The following CTNNA3 variants were observed in gnomAD, a reference collection of about 807,000 sequenced individuals.
CTNNA3 encodes catenin alpha 3.
A neutral mutation model predicts 95.7 loss-of-function variants in CTNNA3; 76 were observed. That is an observed-to-expected ratio of 0.79 (90% CI 0.66 to 0.96). The LOEUF (loss-of-function observed/expected upper bound fraction) is 0.96, where lower values mean the gene tolerates loss of function less well. CTNNA3 is among the 40% of genes least tolerant of loss of function. CTNNA3 has a pLI of 0.00. For synonymous variants in CTNNA3, 431 were observed against 374.4 expected, an observed-to-expected ratio of 1.15 and a Z score of -1.74; for missense variants, 1,191 against 1,089.8, an observed-to-expected ratio of 1.09 and a Z score of -1.31.
intron 11 of CTNNA3, among the ~76,000 whole-genome samples, chr10:66,471,365 A>C (rs972996132): frequency 6.6e-6 from 1 of 151,806 alleles, no homozygotes; most frequent in Non-Finnish European, 1.5e-5. Flanking sequence ...ATTCCTTCAA[A>C]TTGCTCAAGA....
chr10:67,365,954 T>G (rs181801209), intron 5 of CTNNA3, among the ~76,000 whole-genome samples: 3 of 152,332 alleles, frequency 2.0e-5, no homozygotes, highest in Non-Finnish European at 1.5e-5. Context: ...CTATTCACAA[T>G]AGCAAAGACT....
intron 7 of CTNNA3, among the ~76,000 whole-genome samples, chr10:66,815,195 T>C (rs553224100): frequency 6.6e-6 from 1 of 152,302 alleles, no homozygotes; most frequent in South Asian, 2.1e-4. Flanking sequence ...ATTAACTTTT[T>C]CAAAACTCTA....
At chr10:66,068,008 T>G (rs764829273) in intron 15 of CTNNA3, among the ~76,000 whole-genome samples, 1 of 152,212 alleles carries the variant, frequency 6.6e-6, no homozygotes, top group Non-Finnish European at 1.5e-5. Flanking sequence ...GATGCACGTA[T>G]GAAAAGTTTA....
intron 12 of CTNNA3, among the ~76,000 whole-genome samples, chr10:66,290,828 T>C (rs1438547140): frequency 6.6e-6 from 1 of 152,084 alleles, no homozygotes; most frequent in Admixed American, 6.6e-5. Flanking sequence ...CAACAGTGAG[T>C]TACTTCTTGT....
At chr10:67,443,052 T>A (rs1846591210) in intron 5 of CTNNA3, among the ~76,000 whole-genome samples, 1 of 149,486 alleles carries the variant, frequency 6.7e-6, no homozygotes, top group South Asian at 2.1e-4. Context: ...GGTGTTTGGT[T>A]TTTCATCCTT....
intron 7 of CTNNA3, among the ~76,000 whole-genome samples, chr10:67,045,544 G>C (rs1392740162): frequency 6.6e-6 from 1 of 152,176 alleles, no homozygotes; most frequent in Admixed American, 6.5e-5. Flanking sequence ...GAAGCAGATA[G>C]TCTACGAATG....
chr10:66,700,771 G>A (rs901565664), intron 9 of CTNNA3, among the ~76,000 whole-genome samples: 1 of 152,126 alleles, frequency 6.6e-6, no homozygotes, highest in Admixed American at 6.5e-5. Flanking sequence ...CTTGCAAAAT[G>A]AGCATTAAAA....
At chr10:67,392,322 C>T (rs1844531740) in intron 5 of CTNNA3, among the ~76,000 whole-genome samples, 1 of 152,114 alleles carries the variant, frequency 6.6e-6, no homozygotes, top group Non-Finnish European at 1.5e-5. Flanking sequence ...TCATCACTGG[C>T]CATCAGAGAA....
intron 15 of CTNNA3, among the ~76,000 whole-genome samples, chr10:66,011,069 A>G (rs2078996638): frequency 6.6e-6 from 1 of 152,198 alleles, no homozygotes; most frequent in African/African-American, 2.4e-5. Context: ...TGTTGATTTG[A>G]AACACAGAAT....
At chr10:67,642,480 G>A (rs536350906) in intron 2 of CTNNA3, among the ~76,000 whole-genome samples, 1 of 152,202 alleles carries the variant, frequency 6.6e-6, no homozygotes, top group African/African-American at 2.4e-5. Context: ...CACTTTGGGA[G>A]ACTGAGGCAG....
intron 3 of CTNNA3, among the ~76,000 whole-genome samples, chr10:67,586,504 T>C (rs1842632232): frequency 1.3e-5 from 2 of 152,192 alleles, no homozygotes; most frequent in Non-Finnish European, 2.9e-5. Context: ...ATTGGATGCA[T>C]GTATTTAGAA....
chr10:66,502,757 C>T (rs10822841), intron 11 of CTNNA3, among the ~76,000 whole-genome samples: 1 of 151,830 alleles, frequency 6.6e-6, no homozygotes, highest in African/African-American at 2.4e-5. Context: ...ATACTTGTAC[C>T]GGGTTTTCCT....
intron 5 of CTNNA3, among the ~76,000 whole-genome samples, chr10:67,413,688 A>C (rs2132846486): frequency 1.3e-5 from 2 of 152,308 alleles, no homozygotes; most frequent in Middle Eastern, 6.8e-3. Flanking sequence ...GTCATAAAGC[A>C]GGCCTCAATA....
At chr10:66,000,647 A>C (rs536758449) in intron 15 of CTNNA3, among the ~76,000 whole-genome samples, 1 of 152,202 alleles carries the variant, frequency 6.6e-6, no homozygotes, top group Non-Finnish European at 1.5e-5. Context: ...TTGATTTTAT[A>C]GATGAAAACA....
At chr10:66,837,840 C>T (rs1022945452) in intron 7 of CTNNA3, 16 of 152,164 alleles carry the variant, frequency 1.1e-4, no homozygotes, top group African/African-American at 3.9e-4. Context: ...ATGCCATGTA[C>T]ATACCATTGC....
At chr10:67,726,444 A>G (rs867080900) in intron 1 of CTNNA3, among the ~76,000 whole-genome samples, 3 of 19,744 alleles carry the variant, frequency 1.5e-4, no homozygotes, top group South Asian at 4.1e-3. Flanking sequence ...TATATAATAT[A>G]TAATATTATA....
chr10:66,610,401 T>C (rs193103543), intron 10 of CTNNA3, among the ~76,000 whole-genome samples: 2 of 152,252 alleles, frequency 1.3e-5, no homozygotes, highest in East Asian at 3.9e-4. Flanking sequence ...CCTTGTTGTA[T>C]GAAAGCAACC....
chr10:67,418,725 T>C (rs908237456), intron 5 of CTNNA3, among the ~76,000 whole-genome samples: 1 of 152,052 alleles, frequency 6.6e-6, no homozygotes, highest in African/African-American at 2.4e-5. Flanking sequence ...AAATTTCAAT[T>C]AGATGGAAGG....
intron 3 of CTNNA3, among the ~76,000 whole-genome samples, chr10:67,576,804 G>C (rs1301534132): frequency 9.2e-6 from 1 of 108,566 alleles, no homozygotes; most frequent in Non-Finnish European, 1.6e-5. Flanking sequence ...AACATGCGGT[G>C]TTTGGTTTTT....
Sources: gnomAD v4.1 joint callset for allele counts (sites outside exome capture counted in the v4.1 genomes callset) on GRCh38, gnomAD v4.1.1 for gene constraint, MANE v1.5 for transcripts, NCBI Gene and HGNC (gene_info 2026-07-23, HGNC 2026-07-21) for gene names.